The following GPM6A variants were observed in gnomAD, a reference collection of about 807,000 sequenced individuals.
GPM6A encodes the protein neuronal membrane glycoprotein M6-a.
In GPM6A, 7 loss-of-function variants were observed where a neutral mutation model predicts 32.1. That is an observed-to-expected ratio of 0.22 (90% confidence interval 0.12 to 0.41). GPM6A has a LOEUF of 0.41. Ranked by LOEUF, GPM6A falls within the 10% of genes least tolerant of loss-of-function variation. The pLI, the probability that GPM6A is intolerant of heterozygous loss-of-function variation, is 1.00. For missense variants in GPM6A, 235 were observed against 347.2 expected (o/e 0.68, Z 2.57); for synonymous variants, 130 against 123.4 (o/e 1.05, Z -0.35).
chr4:175,673,632 T>C (rs781140730), intron 3 of GPM6A, 48 bp downstream of exon 3: 1 of 1,360,534 alleles, frequency 7.4e-7, no homozygotes, highest in Non-Finnish European at 1.0e-6. Context: ...ACCTGTGTGC[T>C]ATTGAAATCA....
At chr4:175,883,997 GTTTCAA>G (rs1737362791) in intron 1 of GPM6A, among the ~76,000 whole-genome samples, 1 of 152,146 alleles carries the variant, frequency 6.6e-6, no homozygotes, top group Non-Finnish European at 1.5e-5. Flanking sequence ...ATTATGAAAA[GTTTCAA>G]TTTCAAAGCC....
At chr4:175,972,216 A>C (rs1707763447) in intron 1 of GPM6A, among the ~76,000 whole-genome samples, 1 of 152,188 alleles carries the variant, frequency 6.6e-6, no homozygotes, top group African/African-American at 2.4e-5. Context: ...AAGCAATAGA[A>C]GATTTTTTTA....
intron 1 of GPM6A, among the ~76,000 whole-genome samples, chr4:175,704,351 A>G (rs2333260): frequency 1 from 151,844 of 151,852 alleles, 75,918 homozygotes; most frequent in Middle Eastern, 1. Flanking sequence ...GCACGTGTGC[A>G]CGCCCCCCCA....
chr4:175,965,587 C>T (rs1004056515), intron 1 of GPM6A, among the ~76,000 whole-genome samples: 1 of 148,942 alleles, frequency 6.7e-6, no homozygotes, highest in South Asian at 2.1e-4. Context: ...ATCAGAATAT[C>T]AGAAATGAAA....
intron 1 of GPM6A, among the ~76,000 whole-genome samples, chr4:175,948,861 T>C (rs773396654): frequency 7.2e-5 from 11 of 151,978 alleles, no homozygotes; most frequent in Non-Finnish European, 1.5e-4. Flanking sequence ...CAAAGAACAA[T>C]CATTAAAATG....
At chr4:175,721,780 A>G (rs1321440436) in intron 1 of GPM6A, among the ~76,000 whole-genome samples, 1 of 152,206 alleles carries the variant, frequency 6.6e-6, no homozygotes, top group African/African-American at 2.4e-5. Context: ...TTTGATGGTG[A>G]GCAAATTTAG....
chr4:175,952,700 C>CCAT (rs1231452908), intron 1 of GPM6A, among the ~76,000 whole-genome samples: 1 of 151,978 alleles, frequency 6.6e-6, no homozygotes, highest in Non-Finnish European at 1.5e-5. Flanking sequence ...AGATAATGAG[C>CCAT]CATCCTGTCC....
intron 1 of GPM6A, among the ~76,000 whole-genome samples, chr4:175,835,627 G>GTGTATA (rs1553994100): frequency 4.6e-4 from 64 of 138,616 alleles, no homozygotes; most frequent in East Asian, 2.9e-3. Flanking sequence ...GTGAGTGTGT[G>GTGTATA]TATATATATA....
At chr4:175,699,333 C>T (rs1744744859) in intron 2 of GPM6A, among the ~76,000 whole-genome samples, 1 of 152,048 alleles carries the variant, frequency 6.6e-6, no homozygotes, top group Admixed American at 6.6e-5. Flanking sequence ...GAATCTAAGG[C>T]ATTGATAGCT....
chr4:175,942,270 A>C (rs1007640217), intron 1 of GPM6A, among the ~76,000 whole-genome samples: 2 of 151,856 alleles, frequency 1.3e-5, no homozygotes, highest in African/African-American at 4.8e-5. Context: ...TAGATTCTGG[A>C]TATTATTCCT....
intron 1 of GPM6A, among the ~76,000 whole-genome samples, chr4:175,939,334 A>G (rs1739336135): frequency 6.6e-6 from 1 of 152,196 alleles, no homozygotes; most frequent in South Asian, 2.1e-4. Context: ...TCATTCCTGG[A>G]GTATTTAGAA....
At chr4:175,938,278 A>G (rs1361656719) in intron 1 of GPM6A, among the ~76,000 whole-genome samples, 1 of 152,172 alleles carries the variant, frequency 6.6e-6, no homozygotes, top group Non-Finnish European at 1.5e-5. Context: ...CCATAATGGT[A>G]TTGCTGAGTC....
At chr4:175,831,746 G>GTTT (rs1735620930) in intron 1 of GPM6A, among the ~76,000 whole-genome samples, 1 of 127,878 alleles carries the variant, frequency 7.8e-6, no homozygotes. Flanking sequence ...TTTGACGGAG[G>GTTT]TTCACTTTTG....
At position 175,812,049 on chromosome 4, in the gene GPM6A, G is replaced by A. The variant is rs945264014; in HGVS notation, c.37+142C>T. ...ATTCGTGCCAGACATTACTGCAAGT[G>A]AGGAACAGACTAAAGGAGAGGAAGG... On this transcript the variant is annotated intron_variant, in intron 1 of 6. Transcript: ENST00000393658. The A allele has an allele frequency of 2.0e-5, 12 of 607,276 alleles. No homozygotes were observed. In the African/African-American group the frequency reaches 2.1e-4, roughly 11 times the overall value. 37.6% of individuals were successfully genotyped at this position (607,276 alleles called of 1,614,324 possible). A position where few individuals can be genotyped will look rare whatever the true frequency, so the allele number is the denominator to read the frequency against.
intron 6 of GPM6A, among the ~76,000 whole-genome samples, chr4:175,637,222 A>C (rs1216439373): frequency 1.4e-5 from 1 of 71,870 alleles, no homozygotes; most frequent in Non-Finnish European, 2.6e-5. Flanking sequence ...TATCATATAT[A>C]ATATAAAATA....
intron 1 of GPM6A, among the ~76,000 whole-genome samples, chr4:175,712,976 C>T (rs573015465): frequency 6.6e-6 from 1 of 152,280 alleles, no homozygotes; most frequent in Non-Finnish European, 1.5e-5. Context: ...GATTGCAGTG[C>T]TCATCAGCAC....
chr4:175,924,572 G>C (rs752710473), intron 1 of GPM6A, among the ~76,000 whole-genome samples: 1 of 152,284 alleles, frequency 6.6e-6, no homozygotes, highest in South Asian at 2.1e-4. Flanking sequence ...AAGTGGGATG[G>C]CTCAAGCCTG....
chr4:175,794,313 T>G (rs1304430378), intron 1 of GPM6A, among the ~76,000 whole-genome samples: 2 of 152,356 alleles, frequency 1.3e-5, no homozygotes, highest in Non-Finnish European at 2.9e-5. Context: ...GTGTTAAATA[T>G]TCATATAATT....
chr4:175,750,842 G>T (rs1386915768), intron 1 of GPM6A, among the ~76,000 whole-genome samples: 1 of 152,048 alleles, frequency 6.6e-6, no homozygotes, highest in Non-Finnish European at 1.5e-5. Flanking sequence ...CAAAGTGCTG[G>T]GATTACAGGC....
Sources: allele counts gnomAD v4.1 joint callset (sites outside exome capture counted in the v4.1 genomes callset), GRCh38; gene constraint gnomAD v4.1.1; transcripts MANE v1.5; gene names NCBI Gene and HGNC (gene_info 2026-07-23, HGNC 2026-07-21).